KIAA1217: variants seen among roughly 807,000 people sequenced by gnomAD.
KIAA1217 encodes sickle tail protein homolog.
Under a neutral mutation model 163.9 loss-of-function variants are expected in KIAA1217, and 88 were observed. The ratio of observed to expected loss-of-function variants is 0.54; its 90% CI spans 0.45 to 0.64. The LOEUF is 0.64. Ranked by LOEUF, KIAA1217 falls within the 30% of genes least tolerant of loss-of-function variation. The pLI is 0.00. For missense variants in KIAA1217, 2,372 were observed against 2,475.0 expected (o/e 0.96, Z 0.88); for synonymous variants, 903 against 923.1 (o/e 0.98, Z 0.39).
At chr10:24,087,635 A>T (rs1009811299) in intron 2 of KIAA1217, among the ~76,000 whole-genome samples, 2 of 152,206 alleles carry the variant, frequency 1.3e-5, no homozygotes, top group Admixed American at 1.3e-4. Context: ...ACTTTATTCT[A>T]TGTGTGGAGA....
intron 2 of KIAA1217, among the ~76,000 whole-genome samples, chr10:24,169,880 AAAAG>A (rs1308888857): frequency 2.6e-5 from 4 of 152,214 alleles, no homozygotes; most frequent in Non-Finnish European, 2.9e-5. Context: ...AACAACAACA[AAAAG>A]AAAATTAAAA....
intron 2 of KIAA1217, among the ~76,000 whole-genome samples, chr10:24,252,704 A>G (rs2074697362): frequency 1.3e-5 from 2 of 152,232 alleles, no homozygotes; most frequent in African/African-American, 4.8e-5. Context: ...TAGTTTGGAC[A>G]GGTATTGCCC....
intron 1 of KIAA1217, among the ~76,000 whole-genome samples, chr10:24,216,643 A>G (rs542198739): frequency 1.3e-5 from 2 of 152,046 alleles, no homozygotes; most frequent in African/African-American, 4.8e-5. Context: ...CCTGGCCAAC[A>G]TGGTGAAACC....
chr10:23,870,444 C>G (rs879753226), intron 1 of KIAA1217, among the ~76,000 whole-genome samples: 3 of 152,040 alleles, frequency 2.0e-5, no homozygotes, highest in Non-Finnish European at 2.9e-5. Context: ...CATAATCAGT[C>G]CCCACCTTCT....
chr10:24,123,600 G>A (rs2063364147), intron 2 of KIAA1217, among the ~76,000 whole-genome samples: 1 of 152,168 alleles, frequency 6.6e-6, no homozygotes, highest in Non-Finnish European at 1.5e-5. Context: ...TTATGGAGCA[G>A]TAGTTCTGAA....
rs146045025 is a variant in KIAA1217, at chr10:24,499,952, G to A, written c.1835-1427G>A. ...CATCGCCAAGGCCAAGCAAGAAAGA[G>A]GATAGTTTCAGGGAGCTCCCTGGCT... On this transcript the variant is annotated intron_variant, in intron 8 of 20. Transcript: ENST00000376454. Among the ~76,000 whole-genome samples, 369 of 152,288 alleles carry A rather than the reference G, an allele frequency of 2.4e-3. 2 individuals carry two copies. The highest frequency in any genetic ancestry group is 8.7e-3 in the African/African-American group (363 of 41,572).
At chr10:24,326,854 A>T (rs2044979037) in intron 2 of KIAA1217, among the ~76,000 whole-genome samples, 1 of 152,196 alleles carries the variant, frequency 6.6e-6, no homozygotes. Flanking sequence ...CATTTTAATG[A>T]TAATTAGGGA....
At chr10:23,835,471 C>T (rs1378718955) in intron 1 of KIAA1217, among the ~76,000 whole-genome samples, 1 of 152,096 alleles carries the variant, frequency 6.6e-6, no homozygotes. Flanking sequence ...GCATTAGTAC[C>T]TGGCAGGTCT....
chr10:23,748,599 AAGGG>A (rs1204636842), intron 1 of KIAA1217, among the ~76,000 whole-genome samples: 2 of 143,038 alleles, frequency 1.4e-5, no homozygotes, highest in Non-Finnish European at 3.1e-5. Flanking sequence ...GGGAAGATGG[AAGGG>A]AGGGAGGATG....
chr10:23,694,900 G>T (rs888263935), exon 1 of KIAA1217: 25 of 152,668 alleles, frequency 1.6e-4, no homozygotes, highest in African/African-American at 5.8e-4. Flanking sequence ...CGTTTCCGGG[G>T]GAGGACGGAG....
chr10:24,377,375 A>G (rs2052655339), intron 2 of KIAA1217, among the ~76,000 whole-genome samples: 1 of 152,114 alleles, frequency 6.6e-6, no homozygotes, highest in Non-Finnish European at 1.5e-5. Context: ...TATTCCCACC[A>G]TCCCCTGCTT....
intron 2 of KIAA1217, among the ~76,000 whole-genome samples, chr10:24,180,276 CCTT>C: frequency 7.2e-6 from 1 of 139,288 alleles, no homozygotes; most frequent in Middle Eastern, 3.8e-3. Flanking sequence ...AACTCCTCAA[CCTT>C]CTTTTTTTTT....
chr10:24,448,810 T>G (rs777897186), intron 5 of KIAA1217, among the ~76,000 whole-genome samples: 8 of 152,240 alleles, frequency 5.3e-5, no homozygotes, highest in Non-Finnish European at 8.8e-5. Context: ...ATTCACTCAA[T>G]CAGCCATAGT....
intron 1 of KIAA1217, among the ~76,000 whole-genome samples, chr10:23,856,736 C>T (rs537378734): frequency 1.1e-4 from 16 of 152,376 alleles, no homozygotes; most frequent in Admixed American, 3.3e-4. Context: ...CCCCCAGCCT[C>T]GCTGCTGCCT....
At position 24,473,221 on chromosome 10, in the gene KIAA1217, T is replaced by C. The variant is rs1422211613; in HGVS notation, c.847-7T>C. The C allele has an allele frequency of 7.3e-6, 11 of 1,508,384 alleles. No individual in the cohort carries two copies. The highest frequency in any genetic ancestry group is 7.1e-6 in the Non-Finnish European group (8 of 1,127,990). The allele number at this position is 1,508,384 out of a possible 1,614,324, so 93.4% of individuals were successfully genotyped here. A position where few individuals can be genotyped will look rare whatever the true frequency, so the allele number is the denominator to read the frequency against. Reference sequence around the variant, plus strand: ...GTCAACTTTCTGATCCCTTGTTTTCTTTTCAGATGCAGAGAGAACTTGTTT... The same window carrying C: ...GTCAACTTTCTGATCCCTTGTTTTCCTTTCAGATGCAGAGAGAACTTGTTT... On this transcript the variant is annotated splice_polypyrimidine_tract_variant and splice_region_variant and intron_variant, in intron 5 of 20. Transcript: ENST00000376454.
At chr10:24,484,241 A>ATTTTTTTTTTTTT (rs59233394) in intron 6 of KIAA1217, among the ~76,000 whole-genome samples, 17 of 75,162 alleles carry the variant, frequency 2.3e-4, no homozygotes, top group East Asian at 4.6e-4. Context: ...ATATATATAT[A>ATTTTTTTTTTTTT]TTTTTTTTTT....
At chr10:23,973,287 T>C (rs999061645) in intron 1 of KIAA1217, among the ~76,000 whole-genome samples, 4 of 152,244 alleles carry the variant, frequency 2.6e-5, no homozygotes, top group African/African-American at 9.6e-5. Context: ...CCTATCGTTA[T>C]AATCGTAGCT....
At chr10:24,500,184 AGTGTGTGTGTGTGT>A (rs57872451) in intron 8 of KIAA1217, among the ~76,000 whole-genome samples, 2 of 143,256 alleles carry the variant, frequency 1.4e-5, no homozygotes, top group Admixed American at 6.9e-5. Flanking sequence ...ACTGAACAGA[AGTGTGTGTGTGTGT>A]GTGTGTGTGT....
intron 2 of KIAA1217, among the ~76,000 whole-genome samples, chr10:24,353,327 C>G (rs537969512): frequency 6.6e-6 from 1 of 152,164 alleles, no homozygotes; most frequent in Non-Finnish European, 1.5e-5. Context: ...CTCTTTCAAA[C>G]ATATTTCTCA....
Sources: allele counts gnomAD v4.1 joint callset (sites outside exome capture counted in the v4.1 genomes callset), GRCh38; gene constraint gnomAD v4.1.1; transcripts MANE v1.5; gene names NCBI Gene and HGNC (gene_info 2026-07-23, HGNC 2026-07-21).